The following SDK1 variants were observed in gnomAD, a reference collection of about 807,000 sequenced individuals.
SDK1 encodes sidekick cell adhesion molecule 1.
SDK1 carries 157 observed loss-of-function variants against 245.5 expected under a neutral mutation model. The observed-to-expected ratio is 0.64, with a 90% CI of 0.56 to 0.73. The LOEUF is 0.73. SDK1 is among the 30% of genes least tolerant of loss of function. SDK1 has a pLI of 0.00. For synonymous variants in SDK1, 1,647 were observed against 1,278.5 expected, an observed-to-expected ratio of 1.29 and a Z score of -6.15; for missense variants, 3,583 against 3,002.3, an observed-to-expected ratio of 1.19 and a Z score of -4.52.
chr7:3,433,413 G>A (rs1231679603), intron 1 of SDK1, among the ~76,000 whole-genome samples: 1 of 152,114 alleles, frequency 6.6e-6, no homozygotes, highest in East Asian at 1.9e-4. Context: ...GGATGAAGTT[G>A]TTTTTATTTC....
chr7:3,915,361 G>T (rs1239880535), intron 5 of SDK1, among the ~76,000 whole-genome samples: 1 of 152,114 alleles, frequency 6.6e-6, no homozygotes, highest in Non-Finnish European at 1.5e-5. Context: ...TTGAATTGTA[G>T]CTCCCATAAT....
At position 3,459,307 on chromosome 7, in the gene SDK1, G is replaced by C. The variant is rs144021644; in HGVS notation, c.298+157423G>C. Among the ~76,000 whole-genome samples, 47 of 152,212 alleles carry C rather than the reference G, an allele frequency of 3.1e-4. 2 individuals are homozygous for C. The East Asian group carries it at 9.1e-3, about 29-fold the overall frequency. On this transcript the variant is annotated intron_variant, in intron 1 of 44. Transcript: ENST00000404826. ...TATGCTTTCAGTTGTCATACTTTTT[G>C]TATGGCTCATCACTTTTAAATGTTG... is the stretch of plus-strand genomic sequence containing the variant.
chr7:3,929,751 T>C (rs533432667), intron 5 of SDK1, among the ~76,000 whole-genome samples: 2 of 152,266 alleles, frequency 1.3e-5, no homozygotes, highest in East Asian at 3.9e-4. Flanking sequence ...GCTAGATGGC[T>C]GATGAGGTCA....
At chr7:4,073,439 G>T (rs1780392576) in intron 20 of SDK1, among the ~76,000 whole-genome samples, 1 of 152,182 alleles carries the variant, frequency 6.6e-6, no homozygotes, top group Non-Finnish European at 1.5e-5. Flanking sequence ...TATCAATGTT[G>T]ATCCTAATAA....
chr7:3,450,205 G>A (rs1263527880), intron 1 of SDK1, among the ~76,000 whole-genome samples: 1 of 152,216 alleles, frequency 6.6e-6, no homozygotes, highest in Non-Finnish European at 1.5e-5. Context: ...ATCGATATGT[G>A]AGAGATGATG....
intron 5 of SDK1, among the ~76,000 whole-genome samples, chr7:3,886,603 C>A (rs1390830787): frequency 1.3e-5 from 2 of 152,212 alleles, no homozygotes; most frequent in African/African-American, 4.8e-5. Flanking sequence ...GGTATATTTT[C>A]CACTTGACCC....
rs7780369 is a variant in SDK1, at chr7:4,190,236, A to G, written c.5098+11650A>G. Among the ~76,000 whole-genome samples the G allele has an allele frequency of 4.1e-3, 626 of 152,302 alleles. 1 individual carries two copies. The highest frequency in any genetic ancestry group is 0.015 in the African/African-American group (615 of 41,566). On this transcript the variant is annotated intron_variant, in intron 35 of 44. Transcript: ENST00000404826. ...TGGGTAATTATTAACATATCACGCG[A>G]TAATGACATTGTGCAAACCACAGGC...
chr7:3,427,309 A>G (rs1256994215), intron 1 of SDK1, among the ~76,000 whole-genome samples: 1 of 152,182 alleles, frequency 6.6e-6, no homozygotes, highest in Non-Finnish European at 1.5e-5. Context: ...GCCTGAGGTC[A>G]GGAGTTCGAG....
At chr7:4,153,979 C>T (rs914296640) in intron 30 of SDK1, among the ~76,000 whole-genome samples, 1 of 152,100 alleles carries the variant, frequency 6.6e-6, no homozygotes, top group African/African-American at 2.4e-5. Flanking sequence ...ACATGCCCGG[C>T]CAATAGTGAA....
At chr7:4,013,798 A>C (rs935261001) in intron 16 of SDK1, among the ~76,000 whole-genome samples, 1 of 152,230 alleles carries the variant, frequency 6.6e-6, no homozygotes, top group African/African-American at 2.4e-5. Context: ...AGCTCCAATC[A>C]ATAGCAAGGC....
chr7:3,357,538 G>C (rs1002266931), intron 1 of SDK1, among the ~76,000 whole-genome samples: 1 of 150,808 alleles, frequency 6.6e-6, no homozygotes, highest in Non-Finnish European at 1.5e-5. Context: ...TGTAGAGATG[G>C]GGTCTTGTTG....
chr7:4,205,748 C>A, intron 35 of SDK1, 131 bp from the exon 36 acceptor site: 1 of 753,076 alleles, frequency 1.3e-6, no homozygotes, highest in Non-Finnish European at 2.2e-6. Flanking sequence ...AGGGCGACGG[C>A]CCAGGGAAGA....
chr7:4,268,205 G>T lies in SDK1; in HGVS notation c.*2821G>T, dbSNP rs114363675. On this transcript the variant is annotated 3_prime_UTR_variant, in exon 45 of 45. Transcript: ENST00000404826. The stretch of plus-strand genomic sequence containing the variant: ...CCCCCAACGTGGCTCATTTCAGATT[G>T]CTTCGGCCCCACCCTGCAAGGATGT... 2.4e-4 allele frequency: 240 copies of T among 988,274 alleles called. 1 individual carries two copies. The African/African-American group carries it at 4.1e-3, about 17-fold the overall frequency. The allele number at this position is 988,274 out of a possible 1,614,324, so 61.2% of individuals were successfully genotyped here.
At chr7:4,015,696 A>T (rs1316090900) in intron 16 of SDK1, among the ~76,000 whole-genome samples, 1 of 152,092 alleles carries the variant, frequency 6.6e-6, no homozygotes, top group Non-Finnish European at 1.5e-5. Flanking sequence ...TGATAACTTG[A>T]CTTTCATTTT....
At chr7:4,029,588 A>T (rs1331516239) in intron 17 of SDK1, among the ~76,000 whole-genome samples, 1 of 152,084 alleles carries the variant, frequency 6.6e-6, no homozygotes, top group Non-Finnish European at 1.5e-5. Flanking sequence ...AGAAATATGG[A>T]TTGGGTAATA....
At chr7:3,919,336 C>G (rs1779505065) in intron 5 of SDK1, among the ~76,000 whole-genome samples, 1 of 152,236 alleles carries the variant, frequency 6.6e-6, no homozygotes, top group Non-Finnish European at 1.5e-5. Flanking sequence ...CCCAGTCTTG[C>G]TCTTGCTCTT....
At chr7:3,341,960 C>G (rs1022089625) in intron 1 of SDK1, among the ~76,000 whole-genome samples, 1 of 152,070 alleles carries the variant, frequency 6.6e-6, no homozygotes, top group African/African-American at 2.4e-5. Flanking sequence ...GCATAGGCCC[C>G]AGAATAACTA....
At chr7:3,985,380 C>T (rs1245287647) in intron 13 of SDK1, among the ~76,000 whole-genome samples, 1 of 152,218 alleles carries the variant, frequency 6.6e-6, no homozygotes, top group Non-Finnish European at 1.5e-5. Flanking sequence ...TTTCAGACCA[C>T]ACCGATTCAG....
chr7:3,973,531 C>T (rs1032977590), intron 12 of SDK1, among the ~76,000 whole-genome samples: 1 of 151,830 alleles, frequency 6.6e-6, no homozygotes, highest in Non-Finnish European at 1.5e-5. Context: ...GGACCATCTG[C>T]CAGAATGGTC....
Sources: gnomAD v4.1 joint callset for allele counts (sites outside exome capture counted in the v4.1 genomes callset) on GRCh38, gnomAD v4.1.1 for gene constraint, MANE v1.5 for transcripts, NCBI Gene and HGNC (gene_info 2026-07-23, HGNC 2026-07-21) for gene names.